The following STMND1 variants were observed in gnomAD, a reference collection of about 807,000 sequenced individuals.
STMND1 encodes the protein stathmin domain containing 1.
STMND1 carries 17 observed loss-of-function variants against 23.0 expected under a neutral mutation model. The ratio of observed to expected loss-of-function variants is 0.74; its 90% CI spans 0.51 to 1.11. The LOEUF (loss-of-function observed/expected upper bound fraction) is 1.11. Ranked by LOEUF, STMND1 falls within the 50% of genes least tolerant of loss-of-function variation. STMND1 has a pLI of 0.00. For synonymous variants in STMND1, 114 were observed against 119.9 expected, an observed-to-expected ratio of 0.95 and a Z score of 0.32; for missense variants, 305 against 329.1, an observed-to-expected ratio of 0.93 and a Z score of 0.57.
rs1760944479 is a variant in STMND1, at chr6:17,102,132, C to A, written c.-126C>A. The A allele has an allele frequency of 2.2e-6, 2 of 914,566 alleles. No homozygotes were observed. Among genetic ancestry groups the A allele is most frequent in the Non-Finnish European group, 3.0e-6 (2 of 675,672 alleles). 56.7% of individuals were successfully genotyped at this position (914,566 alleles called of 1,614,324 possible). ...GTGGGAGAGGCGGGTGGCGCCCGAG[C>A]GCAGTAGCAGGGGCGTAGGGCGCAG... is the stretch of plus-strand genomic sequence containing the variant. On this transcript the variant is annotated 5_prime_UTR_variant, in exon 1 of 5. Transcript: ENST00000536551.
rs1761378045 is a variant in STMND1 at position 17,130,636 on chromosome 6, C to A, written c.586C>A (p.Leu196Ile). Reference sequence around the variant, plus strand: ...AAGAAAAAGGCTACGGAGTGACCGACTTTTGCCTTCAGCCAATCACTCAGA... The same window carrying A: ...AAGAAAAAGGCTACGGAGTGACCGAATTTTGCCTTCAGCCAATCACTCAGA... ...EIRKRLRSDR[L>I]LPSANHSDSA... is the part of the protein sequence containing the mutation. The change falls in exon 5 of 5, where the codon CTT (leucine) becomes ATT (isoleucine). Residue 196 changes from leucine to isoleucine, a missense_variant. Physicochemically the swap from Leu to Ile is conservative, Grantham distance 5. Coordinates refer to ENST00000536551, the MANE Select transcript of STMND1 (RefSeq NM_001190766.2). 12 of 1,535,432 alleles carry A rather than the reference C, an allele frequency of 7.8e-6. No homozygotes were observed. Among genetic ancestry groups the A allele is most frequent in the African/African-American group, 1.4e-5 (1 of 73,008 alleles).
At chr6:17,110,073 A>G (rs1450267674) in intron 1 of STMND1, among the ~76,000 whole-genome samples, 1 of 152,218 alleles carries the variant, frequency 6.6e-6, no homozygotes, top group East Asian at 1.9e-4. Flanking sequence ...TGTCTTGTGT[A>G]TGCTTTTCCA....
chr6:17,103,025 G>C (rs1760964825), intron 1 of STMND1, among the ~76,000 whole-genome samples: 1 of 152,128 alleles, frequency 6.6e-6, no homozygotes, highest in Admixed American at 6.5e-5. Flanking sequence ...TCCAGAGCGA[G>C]ACCTAGAGGG....
chr6:17,123,993 T>C (rs901932886), intron 3 of STMND1, among the ~76,000 whole-genome samples: 2 of 152,122 alleles, frequency 1.3e-5, no homozygotes, highest in African/African-American at 4.8e-5. Flanking sequence ...AATGGAAATA[T>C]TATTAGATAA....
intron 1 of STMND1, among the ~76,000 whole-genome samples, chr6:17,107,007 A>T (rs1761033942): frequency 6.6e-6 from 1 of 152,206 alleles, no homozygotes; most frequent in South Asian, 2.1e-4. Flanking sequence ...GTCTCCAAGG[A>T]CCCTGCACAA....
At chr6:17,103,441 G>T (rs896492783) in intron 1 of STMND1, among the ~76,000 whole-genome samples, 4 of 152,102 alleles carry the variant, frequency 2.6e-5, no homozygotes, top group Non-Finnish European at 5.9e-5. Flanking sequence ...ATCTAGTGAA[G>T]GCTGACTCCA....
At chr6:17,123,594 G>A (rs1761259550) in intron 3 of STMND1, among the ~76,000 whole-genome samples, 1 of 152,130 alleles carries the variant, frequency 6.6e-6, no homozygotes, top group African/African-American at 2.4e-5. Flanking sequence ...AAGCTCCCAG[G>A]TGATTCCCAT....
chr6:17,126,989 A>T (rs1206891454), intron 3 of STMND1, among the ~76,000 whole-genome samples: 1 of 152,204 alleles, frequency 6.6e-6, no homozygotes, highest in African/African-American at 2.4e-5. Flanking sequence ...GTTGAAGCTC[A>T]TGCCTGCTGC....
At chr6:17,124,835 CAA>C (rs751914126) in intron 3 of STMND1, among the ~76,000 whole-genome samples, 6 of 131,612 alleles carry the variant, frequency 4.6e-5, no homozygotes, top group Admixed American at 1.5e-4. Flanking sequence ...CCATCTCTAC[CAA>C]AAAAAAAAAA....
intron 1 of STMND1, among the ~76,000 whole-genome samples, chr6:17,114,006 T>A (rs998663441): frequency 3.9e-5 from 6 of 152,188 alleles, no homozygotes; most frequent in African/African-American, 7.2e-5. Flanking sequence ...ACCAACCTTT[T>A]TGGCACCAGG....
intron 1 of STMND1, among the ~76,000 whole-genome samples, chr6:17,111,751 C>A (rs1761099358): frequency 6.6e-6 from 1 of 152,108 alleles, no homozygotes; most frequent in Non-Finnish European, 1.5e-5. Context: ...TGTGCTGCTA[C>A]AACAGAATAC....
At chr6:17,109,725 T>C (rs559843076) in intron 1 of STMND1, among the ~76,000 whole-genome samples, 5 of 152,192 alleles carry the variant, frequency 3.3e-5, no homozygotes, top group Non-Finnish European at 5.9e-5. Context: ...TCCCCCATTC[T>C]TGCTGCCACC....
Position 17,130,885 on chromosome 6 carries a change from A to AT in STMND1, c.*10dup, listed in dbSNP as rs755628023. Reference sequence around the variant, plus strand: ...AGCAGATGACATAGTCTACTAAGCCATTTTTTGTGAATTTCATAAGAAAGC... The same window carrying AT: ...AGCAGATGACATAGTCTACTAAGCCATTTTTTTGTGAATTTCATAAGAAAGC... On this transcript the variant is annotated 3_prime_UTR_variant, in exon 5 of 5. Transcript: ENST00000536551. 22 of 1,497,770 alleles carry AT rather than the reference A, an allele frequency of 1.5e-5. No homozygotes were observed. The highest frequency in any genetic ancestry group is 8.4e-5 in the African/African-American group (6 of 71,754). The allele number at this position is 1,497,770 out of a possible 1,614,324, so 92.8% of individuals were successfully genotyped here. A position where few individuals can be genotyped will look rare whatever the true frequency, so the allele number is the denominator to read the frequency against.
chr6:17,126,062 ATATATATATTTTT>A (rs1368763607), intron 3 of STMND1, among the ~76,000 whole-genome samples: 64 of 24,322 alleles, frequency 2.6e-3, no homozygotes, highest in African/African-American at 0.011. Flanking sequence ...ATATATATAT[ATATATATATTTTT>A]TTTTTTTTTT....
At chr6:17,103,286 A>G (rs927629) in intron 1 of STMND1, among the ~76,000 whole-genome samples, 33,608 of 152,148 alleles carry the variant, frequency 0.22, 4,119 homozygotes, top group Non-Finnish European at 0.28. Flanking sequence ...CCGAAGGGTC[A>G]TTTTTGGAGC....
rs1364480793 is a variant in STMND1, at chr6:17,129,137, G to C, written c.437G>C (p.Arg146Thr). The change falls in exon 4 of 5, where the codon AGA becomes ACA. Residue 146 changes from arginine (R) to threonine (T), a missense_variant. By Grantham distance (71) the Arg-to-Thr change is moderately conservative. Coordinates refer to ENST00000536551, the MANE Select transcript of STMND1 (RefSeq NM_001190766.2). ...VTLTTTEKPL[R>T]KPPSRLKKLK... ...TTGACTACGACTGAGAAGCCATTGA[G>C]AAAGCCACCTTCCAGACTGAAAAAA... 1 of 1,535,914 alleles carries C rather than the reference G, an allele frequency of 6.5e-7. No individual in the cohort carries two copies. The highest frequency in any genetic ancestry group is 1.2e-5 in the South Asian group (1 of 84,046).
chr6:17,121,404 CT>C (rs1761232312), intron 3 of STMND1, among the ~76,000 whole-genome samples: 1 of 152,146 alleles, frequency 6.6e-6, no homozygotes, highest in African/African-American at 2.4e-5. Flanking sequence ...TACTTTCATT[CT>C]TTTGACAATT....
chr6:17,104,473 A>T (rs1760991559), intron 1 of STMND1, among the ~76,000 whole-genome samples: 1 of 152,172 alleles, frequency 6.6e-6, no homozygotes. Context: ...GCTAAAAACC[A>T]ATCCTCTCCA....
rs188529197 is a variant in STMND1, at chr6:17,125,473, C to T, written c.412-3639C>T. On this transcript the variant is annotated intron_variant, in intron 3 of 4. Coordinates refer to ENST00000536551, the MANE Select transcript of STMND1 (RefSeq NM_001190766.2). ...CTCCCTACCTGAGGCTCTGTGAATT[C>T]ACTATTGACCTCTGTGTCTGGTCAA... Among the ~76,000 whole-genome samples, 243 of 152,316 alleles carry T rather than the reference C, an allele frequency of 1.6e-3. 2 individuals carry two copies. The highest frequency in any genetic ancestry group is 3.8e-4 in the Non-Finnish European group (26 of 68,032).
Sources: gnomAD v4.1 joint callset for allele counts (sites outside exome capture counted in the v4.1 genomes callset) on GRCh38, gnomAD v4.1.1 for gene constraint, MANE v1.5 for transcripts, NCBI Gene and HGNC (gene_info 2026-07-23, HGNC 2026-07-21) for gene names.